Variants in EEA1 observed in about 807,000 individuals in gnomAD.
EEA1 encodes the protein early endosome antigen 1, 162kD.
A neutral mutation model predicts 209.2 loss-of-function variants in EEA1; 111 were observed. The ratio of observed to expected loss-of-function variants is 0.53; its 90% confidence interval spans 0.45 to 0.62. The LOEUF (loss-of-function observed/expected upper bound fraction) is 0.62, where lower values mean the gene tolerates loss of function less well. Among genes scored for constraint, EEA1 ranks in the 20% least tolerant of loss-of-function variants. EEA1 has a pLI of 0.00. For missense variants in EEA1, 1,343 were observed against 1,530.8 expected, an observed-to-expected ratio of 0.88 and a Z score of 2.05; for synonymous variants, 536 against 540.6, an observed-to-expected ratio of 0.99 and a Z score of 0.12.
chr12:92,878,928 A>C (rs1879024080), intron 2 of EEA1, among the ~76,000 whole-genome samples: 1 of 152,206 alleles, frequency 6.6e-6, no homozygotes, highest in Non-Finnish European at 1.5e-5. Flanking sequence ...TCTGAGTAAT[A>C]ATCAATACAC....
At chr12:92,922,141 C>T (rs1175895201) in intron 1 of EEA1, among the ~76,000 whole-genome samples, 1 of 152,136 alleles carries the variant, frequency 6.6e-6, no homozygotes, top group Non-Finnish European at 1.5e-5. Flanking sequence ...CACCTGGCCT[C>T]TACTTGTCTT....
intron 5 of EEA1, among the ~76,000 whole-genome samples, chr12:92,856,028 CATTT>C (rs1207886552): frequency 6.6e-6 from 1 of 152,122 alleles, no homozygotes; most frequent in Non-Finnish European, 1.5e-5. Context: ...ATTATCTTGT[CATTT>C]ATTTATTTGT....
chr12:92,830,665 CAT>C (rs1466710849), intron 11 of EEA1, among the ~76,000 whole-genome samples: 1 of 152,092 alleles, frequency 6.6e-6, no homozygotes, highest in East Asian at 1.9e-4. Flanking sequence ...AAGACACTTC[CAT>C]ATTCTTGCAG....
chr12:92,809,106 C>G lies in EEA1; in HGVS notation c.2250G>C (p.Leu750Phe). ...GCTGTCTTTGCTGTTGTAGATCTTG[C>G]AAAGCCTGCTCCTTGCTTGCTTTAA... is the stretch of plus-strand genomic sequence containing the variant. ...LEVKASKEQA[L>F]QDLQQQRQLN... Residue 750 changes from leucine to phenylalanine, a missense_variant, in exon 18 of 29, where the codon TTG becomes TTC. This residue lies in a region of EEA1 where 1,307 missense variants were observed against 1,465.5 expected (regional missense o/e 0.89). Transcript: ENST00000322349. The G allele has an allele frequency of 6.2e-7, 1 of 1,605,414 alleles. No homozygotes were observed. The highest frequency in any genetic ancestry group is 8.5e-7 in the Non-Finnish European group (1 of 1,175,376).
chr12:92,885,311 G>A (rs1177695183), intron 2 of EEA1, among the ~76,000 whole-genome samples: 1 of 152,014 alleles, frequency 6.6e-6, no homozygotes, highest in Admixed American at 6.6e-5. Context: ...TTAATGTCCT[G>A]GAGACCATGA....
At chr12:92,832,922 T>A in intron 10 of EEA1, 72 bp from the exon 11 acceptor site, 1 of 1,129,338 alleles carries the variant, frequency 8.9e-7, no homozygotes, top group South Asian at 1.6e-5. Flanking sequence ...AAACAATCTT[T>A]GGAGCAGTAC....
rs114343344 is a variant in EEA1, at chr12:92,801,600, C to T, written c.2772G>A (p.Glu924=). 546 of 1,570,284 alleles carry T rather than the reference C, an allele frequency of 3.5e-4. 6 individuals are homozygous for T. In the African/African-American group the frequency reaches 6.7e-3, roughly 19 times the overall value. ...TTATGTTACAAAAAAAAAATCTTAC[C>T]TCCTTCTCTTTTTCAAGTGACTTTT... ...ELKKSLEKEK[E]ASHQLKLELN... is the part of the protein sequence containing the mutation. The change falls in exon 20 of 29, where the codon GAG becomes GAA. Residue 924 remains glutamate, a splice_region_variant and synonymous_variant. Transcript: ENST00000322349.
chr12:92,906,218 A>G lies in EEA1; in HGVS notation c.25-14497T>C, dbSNP rs1880380743. Among the ~76,000 whole-genome samples the G allele has an allele frequency of 2.0e-5, 3 of 151,594 alleles. No individual in the cohort carries two copies. The South Asian group carries it at 6.2e-4, about 32-fold the overall frequency. The stretch of plus-strand genomic sequence containing the variant: ...GATATCCTCCCACCTCAGCATCCTG[A>G]GTAGCTGGGACTATAGGCACATGCC... On this transcript the variant is annotated intron_variant, in intron 1 of 28. Coordinates refer to ENST00000322349, the MANE Select transcript of EEA1 (RefSeq NM_003566.4).
At chr12:92,908,474 TAA>T (rs1206126598) in intron 1 of EEA1, among the ~76,000 whole-genome samples, 1 of 152,128 alleles carries the variant, frequency 6.6e-6, no homozygotes, top group East Asian at 1.9e-4. Context: ...TGTCATAATT[TAA>T]AAAAAATTTT....
chr12:92,831,215 C>T (rs909529072), intron 11 of EEA1, among the ~76,000 whole-genome samples: 2 of 151,850 alleles, frequency 1.3e-5, no homozygotes, highest in African/African-American at 4.8e-5. Context: ...AACAGCTGAA[C>T]ATTATCAAAA....
At chr12:92,877,077 G>A (rs1287883120) in intron 2 of EEA1, among the ~76,000 whole-genome samples, 1 of 150,872 alleles carries the variant, frequency 6.6e-6, no homozygotes. Context: ...CCGAGTAGCT[G>A]GGATTACAGG....
Position 92,851,385 on chromosome 12 carries a change from G to A in EEA1, c.643-119C>T, listed in dbSNP as rs1469586501. On this transcript the variant is annotated intron_variant, in intron 8 of 28. Coordinates refer to ENST00000322349, the MANE Select transcript of EEA1 (RefSeq NM_003566.4). ...AAACAATCATCAATATCAATTTTTA[G>A]ACTTCAAACATTGAACACTGATATC... 9 of 997,864 alleles carry A rather than the reference G, an allele frequency of 9.0e-6. No homozygotes were observed. In the East Asian group the frequency reaches 2.1e-4, roughly 23 times the overall value. 61.8% of individuals were successfully genotyped at this position (997,864 alleles called of 1,614,324 possible).
At chr12:92,913,437 T>C (rs981208766) in intron 1 of EEA1, among the ~76,000 whole-genome samples, 5 of 152,240 alleles carry the variant, frequency 3.3e-5, no homozygotes, top group Non-Finnish European at 7.3e-5. Context: ...TGTTAGTCCT[T>C]TGTCAGATGA....
intron 2 of EEA1, chr12:92,884,581 C>T: frequency 2.0e-6 from 3 of 1,475,004 alleles, no homozygotes; most frequent in Admixed American, 1.7e-5. Context: ...AGGGAGGAAA[C>T]TTTGGAGGCA....
chr12:92,812,294 G>A (rs1051301535), intron 16 of EEA1, among the ~76,000 whole-genome samples: 4 of 151,036 alleles, frequency 2.6e-5, no homozygotes, highest in Admixed American at 1.3e-4. Context: ...ACACCATTGC[G>A]CTCCAACCTG....
At chr12:92,817,761 T>C (rs1445113527) in intron 14 of EEA1, among the ~76,000 whole-genome samples, 2 of 152,182 alleles carry the variant, frequency 1.3e-5, no homozygotes, top group East Asian at 1.9e-4. Context: ...TCAAAGAATG[T>C]TTTGTCCCAG....
At chr12:92,874,888 G>T (rs1878811805) in intron 2 of EEA1, among the ~76,000 whole-genome samples, 1 of 152,178 alleles carries the variant, frequency 6.6e-6, no homozygotes, top group South Asian at 2.1e-4. Context: ...CATGAATAAG[G>T]TGATGGATAC....
At chr12:92,817,359 A>T (rs922405845) in intron 14 of EEA1, among the ~76,000 whole-genome samples, 10 of 147,938 alleles carry the variant, frequency 6.8e-5, no homozygotes, top group African/African-American at 9.9e-5. Flanking sequence ...AATTATTTTT[A>T]TTTTTTTTTT....
At chr12:92,793,509 C>T (rs537291406) in intron 21 of EEA1, among the ~76,000 whole-genome samples, 4 of 152,176 alleles carry the variant, frequency 2.6e-5, no homozygotes, top group Non-Finnish European at 5.9e-5. Context: ...AGAGCCAAAT[C>T]ATGAGTGAAC....
Sources: allele counts gnomAD v4.1 joint callset (sites outside exome capture counted in the v4.1 genomes callset), GRCh38; gene constraint gnomAD v4.1.1; regional missense constraint gnomAD v4.1.1; transcripts MANE v1.5; gene names NCBI Gene and HGNC (gene_info 2026-07-23, HGNC 2026-07-21).